The following IGF2BP2 variants were observed in gnomAD, a reference collection of about 807,000 sequenced individuals.
IGF2BP2 encodes insulin like growth factor 2 mRNA binding protein 2, also known as insulin-like growth factor 2 mRNA-binding protein 2.
Under a neutral mutation model 75.8 loss-of-function variants are expected in IGF2BP2, and 17 were observed. The observed-to-expected ratio is 0.22, with a 90% confidence interval of 0.15 to 0.34. The LOEUF is 0.34. Among genes scored for constraint, IGF2BP2 ranks in the 10% least tolerant of loss-of-function variants. IGF2BP2 has a pLI of 1.00. For synonymous variants in IGF2BP2, 288 were observed against 295.6 expected, an observed-to-expected ratio of 0.97 and a Z score of 0.26; for missense variants, 516 against 772.4, an observed-to-expected ratio of 0.67 and a Z score of 3.93.
intron 2 of IGF2BP2, among the ~76,000 whole-genome samples, chr3:185,734,668 G>A (rs140136120): frequency 4.6e-5 from 7 of 152,160 alleles, no homozygotes; most frequent in Admixed American, 1.3e-4. Context: ...GCAGTAACGT[G>A]GAAAAAAATA....
chr3:185,698,486 T>C, intron 2 of IGF2BP2, 139 bp from the exon 3 acceptor site: 1 of 730,870 alleles, frequency 1.4e-6, no homozygotes, highest in Non-Finnish European at 2.3e-6. Flanking sequence ...ATTCCTACTG[T>C]GAATCATGAG....
At chr3:185,696,492 T>A in intron 4 of IGF2BP2, 120 bp downstream of exon 4, 1 of 797,022 alleles carries the variant, frequency 1.3e-6, no homozygotes, top group Non-Finnish European at 2.1e-6. Flanking sequence ...ATACATATAC[T>A]CTAGGAAGCT....
rs1201310425 is a variant in IGF2BP2, at chr3:185,809,960, T to C, written c.239+13193A>G. ...AAATTCAAAAGACCAGTCCAGAAAA[T>C]AGAGTTGGCTATTTTTGCAGAAGCG... is the stretch of plus-strand genomic sequence containing the variant. On this transcript the variant is annotated intron_variant, in intron 2 of 15. Transcript: ENST00000382199. 2.0e-5 allele frequency among the ~76,000 whole-genome samples: 3 copies of C among 151,970 alleles called. No homozygotes were observed. In the East Asian group the frequency reaches 5.8e-4, roughly 29 times the overall value.
At chr3:185,788,605 A>G (rs145556461) in intron 2 of IGF2BP2, among the ~76,000 whole-genome samples, 2 of 152,198 alleles carry the variant, frequency 1.3e-5, no homozygotes, top group East Asian at 3.9e-4. Flanking sequence ...TTGAGAACAC[A>G]CTACAGCATA....
intron 2 of IGF2BP2, among the ~76,000 whole-genome samples, chr3:185,704,772 T>C (rs1220796670): frequency 6.6e-6 from 1 of 152,066 alleles, no homozygotes; most frequent in Non-Finnish European, 1.5e-5. Context: ...AAGTTCTCTC[T>C]TTCTCTCAAA....
At chr3:185,696,586 A>G in intron 4 of IGF2BP2, 26 bp downstream of exon 4, 3 of 1,607,060 alleles carry the variant, frequency 1.9e-6, no homozygotes, top group Non-Finnish European at 2.6e-6. Context: ...TCTCTCCAAA[A>G]CCCAAAAGGC....
chr3:185,701,132 A>ATAT (rs1254663395), intron 2 of IGF2BP2, among the ~76,000 whole-genome samples: 1 of 151,946 alleles, frequency 6.6e-6, no homozygotes, highest in African/African-American at 2.4e-5. Flanking sequence ...GGGTCTTGAT[A>ATAT]TATTGCCTGC....
intron 6 of IGF2BP2, among the ~76,000 whole-genome samples, chr3:185,687,764 T>C (rs1350321474): frequency 6.6e-6 from 1 of 152,244 alleles, no homozygotes; most frequent in African/African-American, 2.4e-5. Flanking sequence ...CAGACTTCTT[T>C]GGGTAGTTGT....
chr3:185,750,592 G>A (rs1444714954), intron 2 of IGF2BP2, among the ~76,000 whole-genome samples: 1 of 152,118 alleles, frequency 6.6e-6, no homozygotes, highest in Non-Finnish European at 1.5e-5. Context: ...TTGTAATCCA[G>A]GAACTCTTCC....
intron 2 of IGF2BP2, among the ~76,000 whole-genome samples, chr3:185,790,808 C>T (rs969876048): frequency 6.6e-6 from 1 of 152,114 alleles, no homozygotes; most frequent in African/African-American, 2.4e-5. Context: ...AAGAGTGTTA[C>T]CTTTCAAAAA....
At chr3:185,743,993 A>G (rs1368638378) in intron 2 of IGF2BP2, among the ~76,000 whole-genome samples, 1 of 152,228 alleles carries the variant, frequency 6.6e-6, no homozygotes, top group Non-Finnish European at 1.5e-5. Context: ...AAAACTGCAG[A>G]TAGTGCAAGT....
intron 2 of IGF2BP2, among the ~76,000 whole-genome samples, chr3:185,730,428 CTTTTTTTTTT>C (rs71632076): frequency 4.1e-5 from 4 of 96,762 alleles, no homozygotes; most frequent in Admixed American, 3.6e-4. Flanking sequence ...GCGCAGGTGT[CTTTTTTTTTT>C]TTTTTTTTTT....
chr3:185,708,086 T>G (rs1724306918), intron 2 of IGF2BP2, among the ~76,000 whole-genome samples: 1 of 152,214 alleles, frequency 6.6e-6, no homozygotes, highest in African/African-American at 2.4e-5. Context: ...GCCTTACCCT[T>G]TTGAACTAGG....
rs1184360982 is a variant in IGF2BP2, at chr3:185,824,832, C to T, written c.129G>A (p.Val43=). The T allele has an allele frequency of 5.2e-6, 8 of 1,535,616 alleles. No individual in the cohort carries two copies. In the Middle Eastern group the frequency reaches 5.2e-4, roughly 100 times the overall value. Residue 43 remains valine, a synonymous_variant, in exon 1 of 16, where the codon GTG becomes GTA. Transcript: ENST00000382199. ...TGGCCCAGTTCTGGTCGGGGTAGTC[C>T]ACGAAGGCGTAGCCGGACTTCAGCA... ...QVLLKSGYAF[V]DYPDQNWAIR... is the part of the protein sequence containing the mutation.
chr3:185,816,069 C>T (rs1740561339), intron 2 of IGF2BP2, among the ~76,000 whole-genome samples: 1 of 152,152 alleles, frequency 6.6e-6, no homozygotes, highest in Non-Finnish European at 1.5e-5. Flanking sequence ...TAAACCACAA[C>T]ACAGCCCTGA....
intron 2 of IGF2BP2, chr3:185,722,295 T>A (rs993351377): frequency 2.2e-6 from 1 of 456,112 alleles, no homozygotes; most frequent in African/African-American, 2.0e-5. Context: ...GAAATCACCA[T>A]CAGGATATGC....
intron 9 of IGF2BP2, chr3:185,675,009 C>CA (rs1553854461): frequency 9.1e-6 from 1 of 110,012 alleles, no homozygotes; most frequent in Non-Finnish European, 1.8e-5. Flanking sequence ...TCTTGCTTTT[C>CA]TTTTTTTTTT....
intron 3 of IGF2BP2, among the ~76,000 whole-genome samples, chr3:185,697,919 G>A (rs911111547): frequency 5.3e-5 from 8 of 152,040 alleles, no homozygotes; most frequent in South Asian, 2.1e-4. Context: ...CCCTGGACCC[G>A]GCTGCAGTGA....
At chr3:185,754,530 T>C (rs997289169) in intron 2 of IGF2BP2, among the ~76,000 whole-genome samples, 2 of 152,108 alleles carry the variant, frequency 1.3e-5, no homozygotes, top group African/African-American at 4.8e-5. Context: ...CGGCTGTGGA[T>C]CTGGGTAATG....
Sources: gnomAD v4.1 joint callset for allele counts (sites outside exome capture counted in the v4.1 genomes callset) on GRCh38, gnomAD v4.1.1 for gene constraint, MANE v1.5 for transcripts, NCBI Gene and HGNC (gene_info 2026-07-23, HGNC 2026-07-21) for gene names.